The following KLF12 variants were observed in gnomAD, a reference collection of about 807,000 sequenced individuals.
The protein encoded by KLF12 is Krueppel-like factor 12.
In KLF12, 9 loss-of-function variants were observed where a neutral mutation model predicts 37.8. The observed-to-expected ratio is 0.24, with a 90% confidence interval of 0.14 to 0.42. KLF12 has a LOEUF of 0.42. KLF12 is among the 10% of genes least tolerant of loss of function. The pLI is 1.00. For synonymous variants in KLF12, 208 were observed against 202.1 expected (o/e 1.03, Z -0.25); for missense variants, 411 against 516.0 (o/e 0.80, Z 1.97).
chr13:73,725,883 T>TTTA (rs1876629932), intron 6 of KLF12, among the ~76,000 whole-genome samples: 1 of 138,318 alleles, frequency 7.2e-6, no homozygotes, highest in Non-Finnish European at 1.6e-5. Flanking sequence ...TTATTTATTT[T>TTTA]TTGAGATGGA....
intron 6 of KLF12, among the ~76,000 whole-genome samples, chr13:73,763,521 C>A (rs1482492031): frequency 6.6e-6 from 1 of 152,198 alleles, no homozygotes; most frequent in East Asian, 1.9e-4. Flanking sequence ...AAGAGGTTTA[C>A]ACTTACTAAA....
At chr13:74,066,058 G>A (rs1420320821) in intron 1 of KLF12, among the ~76,000 whole-genome samples, 14 of 152,082 alleles carry the variant, frequency 9.2e-5, no homozygotes, top group Non-Finnish European at 2.1e-4. Context: ...GCAGGGAGGT[G>A]CATAAACAGA....
At position 73,689,764 on chromosome 13, in the gene KLF12, ATT is replaced by A; in HGVS notation, c.*5724_*5725del. 1 of 152,310 alleles carries A rather than the reference ATT, an allele frequency of 6.6e-6. No individual in the cohort carries two copies. Among genetic ancestry groups the A allele is most frequent in the Admixed American group, 6.5e-5 (1 of 15,290 alleles). The allele number at this position is 152,310 out of a possible 1,614,324, so 9.4% of individuals were successfully genotyped here. A position where few individuals can be genotyped will look rare whatever the true frequency, so the allele number is the denominator to read the frequency against. ...GGGGAATGAAGAAATGTAAAGATGA[ATT>A]TGTGCGTTTGATATGAGTGGATAAA... is the stretch of plus-strand genomic sequence containing the variant. On this transcript the variant is annotated 3_prime_UTR_variant, in exon 8 of 8. Transcript: ENST00000377669.
chr13:74,245,893 T>A, the KLF12 span, among the ~76,000 whole-genome samples: 1 of 152,198 alleles, frequency 6.6e-6, no homozygotes, highest in African/African-American at 2.4e-5. Flanking sequence ...ATAGTAACTG[T>A]ATGTTAAAGT....
intron 6 of KLF12, among the ~76,000 whole-genome samples, chr13:73,751,785 C>T (rs1878774529): frequency 6.6e-6 from 1 of 152,060 alleles, no homozygotes; most frequent in Non-Finnish European, 1.5e-5. Context: ...CGTATTTATT[C>T]AGTTGAAGTC....
At chr13:73,700,720 G>A (rs1386701935) in intron 7 of KLF12, among the ~76,000 whole-genome samples, 3 of 151,904 alleles carry the variant, frequency 2.0e-5, no homozygotes, top group Admixed American at 6.6e-5. Flanking sequence ...TACGCCCAGT[G>A]CCTAGTATTT....
At chr13:73,873,596 A>T (rs1333329577) in intron 3 of KLF12, among the ~76,000 whole-genome samples, 2 of 152,146 alleles carry the variant, frequency 1.3e-5, no homozygotes. Flanking sequence ...CTCTGTGTTT[A>T]TATTGGTTTT....
chr13:73,943,678 C>T (rs1890292832), intron 3 of KLF12, among the ~76,000 whole-genome samples: 1 of 152,156 alleles, frequency 6.6e-6, no homozygotes, highest in African/African-American at 2.4e-5. Flanking sequence ...TTAATACTTC[C>T]TCTTTGCTTT....
intron 1 of KLF12, among the ~76,000 whole-genome samples, chr13:74,039,611 T>C (rs558366494): frequency 6.6e-6 from 1 of 152,314 alleles, no homozygotes; most frequent in East Asian, 1.9e-4. Context: ...TATAAAATAA[T>C]TTTTATTTAA....
chr13:74,209,095 T>G, the KLF12 span, among the ~76,000 whole-genome samples: 1 of 152,066 alleles, frequency 6.6e-6, no homozygotes, highest in Admixed American at 6.6e-5. Context: ...TCTCGACACT[T>G]GAAGAACTTA....
At chr13:73,786,195 G>GT (rs918840581) in intron 5 of KLF12, among the ~76,000 whole-genome samples, 6 of 152,184 alleles carry the variant, frequency 3.9e-5, no homozygotes, top group Non-Finnish European at 8.8e-5. Flanking sequence ...AGTGGCAGAG[G>GT]TGTTTTGCTA....
At chr13:74,028,138 A>G (rs78841021) in intron 1 of KLF12, among the ~76,000 whole-genome samples, 8,560 of 152,284 alleles carry the variant, frequency 0.056, 335 homozygotes, top group Non-Finnish European at 0.088. Context: ...TCCTTTCAAG[A>G]GTCAAAAGCA....
chr13:73,934,126 C>T (rs972524235), intron 3 of KLF12, among the ~76,000 whole-genome samples: 1 of 152,080 alleles, frequency 6.6e-6, no homozygotes, highest in African/African-American at 2.4e-5. Context: ...TTTGACTTTT[C>T]TTCTTTTAGA....
At chr13:73,923,875 G>A (rs542610074) in intron 3 of KLF12, among the ~76,000 whole-genome samples, 1 of 152,328 alleles carries the variant, frequency 6.6e-6, no homozygotes, top group South Asian at 2.1e-4. Context: ...TCCGAGTTGT[G>A]AGGCAGACAT....
At chr13:74,273,453 T>TC in the KLF12 span, among the ~76,000 whole-genome samples, 1 of 151,998 alleles carries the variant, frequency 6.6e-6, no homozygotes, top group Non-Finnish European at 1.5e-5. Context: ...TCCAGCTTTT[T>TC]TTTTTTCTGG....
intron 6 of KLF12, among the ~76,000 whole-genome samples, chr13:73,730,535 T>C (rs1876985751): frequency 6.6e-6 from 1 of 152,050 alleles, no homozygotes; most frequent in African/African-American, 2.4e-5. Context: ...ACTTATTATA[T>C]ATGTAAATAA....
chr13:74,029,048 T>G (rs1431548583), intron 1 of KLF12, among the ~76,000 whole-genome samples: 1 of 152,106 alleles, frequency 6.6e-6, no homozygotes, highest in African/African-American at 2.4e-5. Context: ...TAGGTAATTT[T>G]GGTAACCGTT....
chr13:74,268,227 A>C, the KLF12 span, among the ~76,000 whole-genome samples: 1 of 152,306 alleles, frequency 6.6e-6, no homozygotes, highest in African/African-American at 2.4e-5. Context: ...TAGAATTATT[A>C]GTCCATTTTT....
chr13:73,832,238 C>A (rs914805697), intron 4 of KLF12, among the ~76,000 whole-genome samples: 1 of 152,192 alleles, frequency 6.6e-6, no homozygotes, highest in Admixed American at 6.5e-5. Context: ...TCATTATTTA[C>A]TCTTTTCCTG....
Sources: allele counts gnomAD v4.1 joint callset (sites outside exome capture counted in the v4.1 genomes callset), GRCh38; gene constraint gnomAD v4.1.1; transcripts MANE v1.5; gene names NCBI Gene and HGNC (gene_info 2026-07-23, HGNC 2026-07-21).